Variants in B4GALT6 observed in about 807,000 individuals in gnomAD.
The protein encoded by B4GALT6 is beta-1,4-galactosyltransferase 6.
Under a neutral mutation model 46.3 loss-of-function variants are expected in B4GALT6, and 14 were observed. The ratio of observed to expected loss-of-function variants is 0.30; its 90% CI spans 0.20 to 0.47. The LOEUF (loss-of-function observed/expected upper bound fraction) is 0.47, where lower values mean the gene tolerates loss of function less well. Among genes scored for constraint, B4GALT6 ranks in the 20% least tolerant of loss-of-function variants. The probability of loss-of-function intolerance (pLI) is 0.99; values close to 1 mark genes in which losing one functional copy is unlikely to be tolerated. For synonymous variants in B4GALT6, 168 were observed against 162.0 expected (o/e 1.04, Z -0.28); for missense variants, 386 against 480.1 (o/e 0.80, Z 1.83).
At chr18:31,709,674 C>A in the B4GALT6 span, among the ~76,000 whole-genome samples, 4 of 150,530 alleles carry the variant, frequency 2.7e-5, no homozygotes, top group African/African-American at 9.8e-5. Flanking sequence ...GGAAATCAAT[C>A]TGCAAAGACT....
At chr18:31,640,364 T>C (rs2073914456) in intron 4 of B4GALT6, among the ~76,000 whole-genome samples, 1 of 152,230 alleles carries the variant, frequency 6.6e-6, no homozygotes, top group Admixed American at 6.5e-5. Flanking sequence ...TTTAACCATG[T>C]ATTTTACGTT....
chr18:31,636,351 T>G (rs113222817), intron 5 of B4GALT6, among the ~76,000 whole-genome samples: 4,424 of 152,318 alleles, frequency 0.029, 73 homozygotes, highest in Middle Eastern at 0.068. Flanking sequence ...TAGACTATAT[T>G]TGCAAAACTT....
chr18:31,626,494 C>G lies in B4GALT6; in HGVS notation c.900-110G>C, dbSNP rs2073699276. The G allele has an allele frequency of 5.2e-6, 3 of 574,532 alleles. No individual in the cohort carries two copies. In the African/African-American group the frequency reaches 5.7e-5, roughly 11 times the overall value. The allele number at this position is 574,532 out of a possible 1,614,324, so 35.6% of individuals were successfully genotyped here. On this transcript the variant is annotated intron_variant, in intron 7 of 8. Coordinates refer to ENST00000306851, the MANE Select transcript of B4GALT6 (RefSeq NM_004775.5). The stretch of plus-strand genomic sequence containing the variant: ...AATGCTCTAATCCAGGGTTCCCCAA[C>G]CCCTGGGCCACAAACCAGTATAGGT...
intron 3 of B4GALT6, among the ~76,000 whole-genome samples, chr18:31,654,910 T>C (rs1268377364): frequency 6.6e-6 from 1 of 152,216 alleles, no homozygotes; most frequent in African/African-American, 2.4e-5. Context: ...TAAGGATACA[T>C]AGCTAATAAT....
At chr18:31,669,706 C>T (rs12604525) in intron 1 of B4GALT6, among the ~76,000 whole-genome samples, 1 of 152,108 alleles carries the variant, frequency 6.6e-6, no homozygotes, top group African/African-American at 2.4e-5. Context: ...ACAACTCCGC[C>T]TAAGTGAAGA....
At chr18:31,626,525 G>A in intron 7 of B4GALT6, 141 bp from the exon 8 acceptor site, 1 of 492,066 alleles carries the variant, frequency 2.0e-6, no homozygotes. Flanking sequence ...TAGGTCCATG[G>A]CCTGTTAAAA....
At chr18:31,641,152 T>C (rs1048276679) in intron 4 of B4GALT6, among the ~76,000 whole-genome samples, 14 of 152,236 alleles carry the variant, frequency 9.2e-5, no homozygotes, top group African/African-American at 3.4e-4. Flanking sequence ...AGACAGTGCA[T>C]ATTAATTAAA....
chr18:31,687,220 A>G (rs1194258284), upstream of B4GALT6, among the ~76,000 whole-genome samples: 2 of 152,218 alleles, frequency 1.3e-5, no homozygotes, highest in African/African-American at 4.8e-5. Context: ...GTGAGGATTA[A>G]ATTAAATGAA....
At chr18:31,670,434 G>GAAA (rs2074337816) in intron 1 of B4GALT6, among the ~76,000 whole-genome samples, 1 of 126,908 alleles carries the variant, frequency 7.9e-6, no homozygotes, top group Non-Finnish European at 1.7e-5. Flanking sequence ...ATTAGATGAA[G>GAAA]ACCAAAATTA....
chr18:31,626,639 G>C (rs2073702238), intron 7 of B4GALT6, among the ~76,000 whole-genome samples: 1 of 152,098 alleles, frequency 6.6e-6, no homozygotes, highest in Admixed American at 6.5e-5. Flanking sequence ...AAACCCTATT[G>C]TAAACTGCAC....
chr18:31,720,394 G>C, the B4GALT6 span, among the ~76,000 whole-genome samples: 1 of 152,220 alleles, frequency 6.6e-6, no homozygotes, highest in Non-Finnish European at 1.5e-5. Flanking sequence ...CTGAGGCCTG[G>C]GCTGGAGAGA....
intron 1 of B4GALT6, among the ~76,000 whole-genome samples, chr18:31,683,854 C>T (rs1288791016): frequency 2.0e-5 from 3 of 152,084 alleles, no homozygotes; most frequent in African/African-American, 4.8e-5. Context: ...ACCTAGGACC[C>T]TAGAAAACAC....
chr18:31,633,212 AGTATC>A (rs947257923), intron 5 of B4GALT6, among the ~76,000 whole-genome samples: 18 of 152,160 alleles, frequency 1.2e-4, no homozygotes, highest in African/African-American at 4.3e-4. Flanking sequence ...TAGAATTCCC[AGTATC>A]CCTCATCCTT....
chr18:31,712,860 G>C, the B4GALT6 span, among the ~76,000 whole-genome samples: 3 of 152,090 alleles, frequency 2.0e-5, no homozygotes, highest in Non-Finnish European at 4.4e-5. Flanking sequence ...TCAAAATGCA[G>C]TTACATTTTT....
the B4GALT6 span, among the ~76,000 whole-genome samples, chr18:31,720,363 C>G: frequency 6.6e-6 from 1 of 152,174 alleles, no homozygotes; most frequent in Admixed American, 6.5e-5. Flanking sequence ...CAAAGAGGTG[C>G]TGAGATTACC....
At chr18:31,688,247 G>GTATATATATACATATA (rs1555643328), upstream of B4GALT6, among the ~76,000 whole-genome samples, 1 of 106,460 alleles carries the variant, frequency 9.4e-6, no homozygotes, top group Admixed American at 9.3e-5. Flanking sequence ...ATAATTGAGT[G>GTATATATATACATATA]TATATATATA....
chr18:31,689,853 G>T (rs1370432499), upstream of B4GALT6, among the ~76,000 whole-genome samples: 1 of 152,038 alleles, frequency 6.6e-6, no homozygotes, highest in Non-Finnish European at 1.5e-5. Flanking sequence ...AGACACACAG[G>T]GCACCTTAGG....
chr18:31,708,293 G>T, the B4GALT6 span, among the ~76,000 whole-genome samples: 1 of 152,136 alleles, frequency 6.6e-6, no homozygotes, highest in Non-Finnish European at 1.5e-5. Context: ...AGCTGGGTGC[G>T]GTGGCTCATG....
At chr18:31,646,586 T>C (rs933013269) in intron 3 of B4GALT6, among the ~76,000 whole-genome samples, 3 of 152,226 alleles carry the variant, frequency 2.0e-5, no homozygotes, top group Admixed American at 1.3e-4. Flanking sequence ...GCCAAATTCT[T>C]CTCTCTGACC....
Sources: gnomAD v4.1 joint callset for allele counts (sites outside exome capture counted in the v4.1 genomes callset) on GRCh38, gnomAD v4.1.1 for gene constraint, MANE v1.5 for transcripts, NCBI Gene and HGNC (gene_info 2026-07-23, HGNC 2026-07-21) for gene names.